Variants in FBXO21 observed in about 807,000 individuals in gnomAD.
FBXO21 encodes the protein F-box only protein 21.
In FBXO21, 32 loss-of-function variants were observed where a neutral mutation model predicts 76.6. That is an observed-to-expected ratio of 0.42 (90% CI 0.32 to 0.56). The LOEUF is 0.56. Ranked by LOEUF, FBXO21 falls within the 20% of genes least tolerant of loss-of-function variation. The pLI is 0.16. For synonymous variants in FBXO21, 328 were observed against 311.5 expected, an observed-to-expected ratio of 1.05 and a Z score of -0.56; for missense variants, 586 against 797.3, an observed-to-expected ratio of 0.73 and a Z score of 3.19.
intron 6 of FBXO21, among the ~76,000 whole-genome samples, chr12:117,173,853 A>G (rs568867356): frequency 2.5e-4 from 38 of 152,290 alleles, no homozygotes; most frequent in African/African-American, 9.1e-4. Context: ...GCTTAAAAAA[A>G]TACATATAGG....
intron 7 of FBXO21, among the ~76,000 whole-genome samples, chr12:117,171,357 C>CAAAAAAA (rs57835444): frequency 1.1e-4 from 6 of 52,658 alleles, no homozygotes; most frequent in Admixed American, 2.3e-4. Flanking sequence ...GACCCTGTCT[C>CAAAAAAA]AAAAAAAAAA....
At chr12:117,189,156 AGCTCAT>A in intron 2 of FBXO21, 65 bp downstream of exon 2, 1 of 1,564,330 alleles carries the variant, frequency 6.4e-7, no homozygotes. Context: ...GAGCTGGATG[AGCTCAT>A]GCCTGCAGAC....
rs1956334627 is a variant in FBXO21, at chr12:117,190,354, C to T, written c.103G>A (p.Gly35Ser). ...AGLSCLVNLPGEVLEYILCCG... is the reference protein window; with the variant it reads ...AGLSCLVNLPSEVLEYILCCG... ...CACAGGATGTACTCCAGCACCTCAC[C>T]CGGCAGGTTGACGAGGCAGCTGAGG... Residue 35 changes from glycine to serine, a missense_variant, in exon 1 of 12, where the codon GGT becomes AGT. By Grantham distance (56) the Gly-to-Ser change is moderately conservative (BLOSUM62 0). Transcript: ENST00000622495. 1 of 1,536,214 alleles carries T rather than the reference C, an allele frequency of 6.5e-7. No homozygotes were observed. Among genetic ancestry groups the T allele is most frequent in the Non-Finnish European group, 8.7e-7 (1 of 1,151,336 alleles).
At chr12:117,159,442 T>C (rs1349699976) in intron 9 of FBXO21, among the ~76,000 whole-genome samples, 1 of 152,184 alleles carries the variant, frequency 6.6e-6, no homozygotes, top group Non-Finnish European at 1.5e-5. Context: ...AGATCAACTC[T>C]TGGTCTCAAC....
intron 3 of FBXO21, among the ~76,000 whole-genome samples, chr12:117,182,510 C>T (rs1186547990): frequency 1.4e-5 from 2 of 141,694 alleles, no homozygotes; most frequent in African/African-American, 2.6e-5. Context: ...CAGGGCTGGG[C>T]GTGGTGGCTC....
At chr12:117,156,596 C>T (rs1227970177) in intron 10 of FBXO21, among the ~76,000 whole-genome samples, 2 of 152,128 alleles carry the variant, frequency 1.3e-5, no homozygotes, top group Non-Finnish European at 2.9e-5. Flanking sequence ...CTGGCACTTG[C>T]GTCAATTAAC....
At chr12:117,169,359 G>T (rs1449435177) in intron 7 of FBXO21, among the ~76,000 whole-genome samples, 3 of 152,078 alleles carry the variant, frequency 2.0e-5, no homozygotes, top group Non-Finnish European at 2.9e-5. Flanking sequence ...AAATAACTAT[G>T]GGCACTAGGC....
chr12:117,169,250 C>CT (rs1237197337), intron 7 of FBXO21, among the ~76,000 whole-genome samples: 3 of 152,126 alleles, frequency 2.0e-5, no homozygotes, highest in Admixed American at 6.5e-5. Context: ...CGTGCTCTCA[C>CT]TTATAAGTGG....
intron 3 of FBXO21, among the ~76,000 whole-genome samples, chr12:117,180,023 T>C (rs1178921459): frequency 6.6e-6 from 1 of 152,238 alleles, no homozygotes; most frequent in African/African-American, 2.4e-5. Context: ...TTCCTGTTAT[T>C]ATCCACACTG....
intron 11 of FBXO21, chr12:117,155,084 T>C (rs1366589681): frequency 1.3e-5 from 2 of 152,378 alleles, no homozygotes; most frequent in East Asian, 1.9e-4. Context: ...TTAATAAATG[T>C]GAATTATTAA....
intron 9 of FBXO21, among the ~76,000 whole-genome samples, chr12:117,161,227 G>A (rs984022519): frequency 4.6e-5 from 7 of 152,144 alleles, no homozygotes; most frequent in African/African-American, 1.7e-4. Flanking sequence ...AAGTGAGCCA[G>A]CAAATGGAGT....
intron 4 of FBXO21, among the ~76,000 whole-genome samples, chr12:117,176,777 C>T (rs1956179061): frequency 6.6e-6 from 1 of 151,440 alleles, no homozygotes. Context: ...AAAATAAATA[C>T]ATTTTTTTTA....
At chr12:117,175,597 C>T (rs576072395) in intron 4 of FBXO21, among the ~76,000 whole-genome samples, 1 of 152,370 alleles carries the variant, frequency 6.6e-6, no homozygotes, top group East Asian at 1.9e-4. Flanking sequence ...CACCTCGACC[C>T]CAGTCCCAGT....
chr12:117,146,901 GA>G (rs1206931429), intron 11 of FBXO21, among the ~76,000 whole-genome samples: 1 of 152,132 alleles, frequency 6.6e-6, no homozygotes, highest in East Asian at 1.9e-4. Flanking sequence ...CATCTCTTGG[GA>G]AAACCATGCT....
intron 4 of FBXO21, among the ~76,000 whole-genome samples, chr12:117,175,556 A>G (rs908175126): frequency 6.6e-6 from 1 of 152,264 alleles, no homozygotes. Context: ...CCAATGCTCC[A>G]GAGCTCAAAG....
At position 117,143,092 on chromosome 12, in the gene FBXO21, A is replaced by G. The variant is rs780928403; in HGVS notation, c.*2995T>C. On this transcript the variant is annotated 3_prime_UTR_variant, in exon 12 of 12. Coordinates refer to ENST00000622495, the MANE Select transcript of FBXO21 (RefSeq NM_015002.3). ...GATTAGGTGGATAATGTTTGCAAAC[A>G]TGACGCCTGGCAAAACCGGTCTGAT... The G allele has an allele frequency of 6.6e-6, 1 of 152,230 alleles. No individual in the cohort carries two copies. Among genetic ancestry groups the G allele is most frequent in the African/African-American group, 2.4e-5 (1 of 41,464 alleles). 9.4% of individuals were successfully genotyped at this position (152,230 alleles called of 1,614,324 possible).
intron 2 of FBXO21, chr12:117,188,615 A>G (rs1956311236): frequency 6.6e-6 from 1 of 151,426 alleles, no homozygotes; most frequent in South Asian, 2.1e-4. Context: ...AAAACAAAAC[A>G]AAACAAAAAA....
intron 11 of FBXO21, among the ~76,000 whole-genome samples, chr12:117,147,576 C>A (rs1298215764): frequency 2.4e-5 from 3 of 123,620 alleles, no homozygotes; most frequent in Admixed American, 1.1e-4. Context: ...CCAGCCTGGG[C>A]AGCAGAGCAA....
At position 117,153,427 on chromosome 12, in the gene FBXO21, G is replaced by A. The variant is rs111986770; in HGVS notation, c.1675+2364C>T. Among the ~76,000 whole-genome samples, 702 of 152,336 alleles carry A rather than the reference G, an allele frequency of 4.6e-3. 8 individuals carry two copies. The highest frequency in any genetic ancestry group is 0.016 in the African/African-American group (671 of 41,560). ...AAAACAATGGGTTCAGTGAGTCGGG[G>A]TAACAATGTTGGAGAGAAGACCCCT... On this transcript the variant is annotated intron_variant, in intron 11 of 11. Coordinates refer to ENST00000622495, the MANE Select transcript of FBXO21 (RefSeq NM_015002.3).
Sources: gnomAD v4.1 joint callset for allele counts (sites outside exome capture counted in the v4.1 genomes callset) on GRCh38, gnomAD v4.1.1 for gene constraint, MANE v1.5 for transcripts, NCBI Gene and HGNC (gene_info 2026-07-23, HGNC 2026-07-21) for gene names.